Variants in PRKCA observed in about 807,000 individuals in gnomAD.
The protein encoded by PRKCA is protein kinase C alpha type.
Under a neutral mutation model 87.0 loss-of-function variants are expected in PRKCA, and 27 were observed. The ratio of observed to expected loss-of-function variants is 0.31; its 90% confidence interval spans 0.23 to 0.43. The LOEUF (loss-of-function observed/expected upper bound fraction) is 0.43. Among genes scored for constraint, PRKCA ranks in the 20% least tolerant of loss-of-function variants. The pLI is 1.00. For missense variants in PRKCA, 518 were observed against 852.3 expected, an observed-to-expected ratio of 0.61 and a Z score of 4.88; for synonymous variants, 329 against 311.1, an observed-to-expected ratio of 1.06 and a Z score of -0.61.
At chr17:66,519,418 C>T (rs1027124195) in intron 3 of PRKCA, among the ~76,000 whole-genome samples, 13 of 152,228 alleles carry the variant, frequency 8.5e-5, no homozygotes, top group Admixed American at 5.2e-4. Context: ...TTATGATGTA[C>T]GTGATTTTGT....
intron 14 of PRKCA, among the ~76,000 whole-genome samples, chr17:66,781,996 C>T (rs1598939279): frequency 6.6e-6 from 1 of 151,754 alleles, no homozygotes; most frequent in African/African-American, 2.4e-5. Context: ...TCACCGCAAC[C>T]TCTGCCTCCC....
chr17:66,675,274 A>G (rs1972296368), intron 5 of PRKCA, among the ~76,000 whole-genome samples: 1 of 152,156 alleles, frequency 6.6e-6, no homozygotes, highest in African/African-American at 2.4e-5. Context: ...TTCTCTTATA[A>G]GGGCACTGAT....
intron 3 of PRKCA, among the ~76,000 whole-genome samples, chr17:66,592,815 CAA>C (rs1969849755): frequency 6.6e-6 from 1 of 152,170 alleles, no homozygotes; most frequent in African/African-American, 2.4e-5. Context: ...TTTTTTGAGA[CAA>C]AGTCTCGCTC....
intron 3 of PRKCA, among the ~76,000 whole-genome samples, chr17:66,558,691 G>T (rs779760840): frequency 6.6e-6 from 1 of 152,170 alleles, no homozygotes. Context: ...AGAGTAAGGG[G>T]GGGAGGGAGG....
intron 3 of PRKCA, among the ~76,000 whole-genome samples, chr17:66,496,985 A>G (rs1229491453): frequency 6.6e-6 from 1 of 152,152 alleles, no homozygotes; most frequent in African/African-American, 2.4e-5. Flanking sequence ...CAATAGGAGC[A>G]TCATTGCTTT....
chr17:66,576,772 T>C (rs1969248154), intron 3 of PRKCA, among the ~76,000 whole-genome samples: 1 of 152,174 alleles, frequency 6.6e-6, no homozygotes, highest in African/African-American at 2.4e-5. Flanking sequence ...GCATTCACGA[T>C]GTTCTTTTCA....
intron 3 of PRKCA, among the ~76,000 whole-genome samples, chr17:66,604,898 T>C (rs1386045494): frequency 6.6e-6 from 1 of 151,998 alleles, no homozygotes; most frequent in Admixed American, 6.5e-5. Flanking sequence ...GGATGCCAAG[T>C]TGTTTCTTGG....
At chr17:66,657,594 G>C (rs529198729) in intron 5 of PRKCA, among the ~76,000 whole-genome samples, 1 of 152,120 alleles carries the variant, frequency 6.6e-6, no homozygotes, top group Non-Finnish European at 1.5e-5. Context: ...ATTTCTCTGG[G>C]ATATATTGCT....
intron 3 of PRKCA, among the ~76,000 whole-genome samples, chr17:66,517,712 G>A (rs1967012487): frequency 6.6e-6 from 1 of 152,172 alleles, no homozygotes; most frequent in African/African-American, 2.4e-5. Flanking sequence ...TAGCATAATG[G>A]ATAGTTACTG....
chr17:66,406,609 TA>T (rs1007639909), intron 2 of PRKCA, among the ~76,000 whole-genome samples: 37 of 145,654 alleles, frequency 2.5e-4, no homozygotes, highest in African/African-American at 9.4e-4. Context: ...TTTTTTTTTT[TA>T]AATGTCATAG....
At chr17:66,577,672 C>CTT (rs1226917599) in intron 3 of PRKCA, among the ~76,000 whole-genome samples, 1 of 152,144 alleles carries the variant, frequency 6.6e-6, no homozygotes, top group African/African-American at 2.4e-5. Context: ...TGGAAGTGAA[C>CTT]TATATCTTTT....
intron 2 of PRKCA, among the ~76,000 whole-genome samples, chr17:66,377,661 A>G (rs1321371158): frequency 7.0e-6 from 1 of 142,116 alleles, no homozygotes; most frequent in Non-Finnish European, 1.5e-5. Context: ...TCTATATTAT[A>G]TATATAAAAT....
chr17:66,742,790 C>T, intron 13 of PRKCA, 30 bp downstream of exon 13: 1 of 1,608,796 alleles, frequency 6.2e-7, no homozygotes, highest in Non-Finnish European at 8.5e-7. Flanking sequence ...TTTTCTCAAC[C>T]AGGACTCCCA....
In PRKCA at chr17:66,775,642, A is replaced by C. The variant is rs146651754; in HGVS notation, c.1605+1575A>C. 156 of 985,472 alleles carry C rather than the reference A, an allele frequency of 1.6e-4. 1 individual carries two copies. In the East Asian group the frequency reaches 0.015, roughly 92 times the overall value. 61.0% of individuals were successfully genotyped at this position (985,472 alleles called of 1,614,324 possible). On this transcript the variant is annotated intron_variant, in intron 14 of 16. Coordinates refer to ENST00000413366, the MANE Select transcript of PRKCA (RefSeq NM_002737.3). Reference sequence around the variant, plus strand: ...GAAGCCTTAGTCAGAGACAATGGAAAGAGATGGCCATGCTGTGCGACAGAG... The same window carrying C: ...GAAGCCTTAGTCAGAGACAATGGAACGAGATGGCCATGCTGTGCGACAGAG...
intron 14 of PRKCA, among the ~76,000 whole-genome samples, chr17:66,786,030 A>G (rs112071233): frequency 0.047 from 7,079 of 152,146 alleles, 208 homozygotes; most frequent in South Asian, 0.069. Context: ...GGGTTTCACC[A>G]TGTTAGCCAG....
Position 66,582,705 on chromosome 17 carries a change from G to T in PRKCA, c.289-58650G>T, listed in dbSNP as rs932849305. On this transcript the variant is annotated intron_variant, in intron 3 of 16. Coordinates refer to ENST00000413366, the MANE Select transcript of PRKCA (RefSeq NM_002737.3). ...CAGACTAACACAGGATTCTAGGCCT[G>T]TAGTTTGTGTAGTTTTCCATTCCCC... is the stretch of plus-strand genomic sequence containing the variant. Among the ~76,000 whole-genome samples the T allele has an allele frequency of 2.0e-5, 3 of 152,308 alleles. No individual in the cohort carries two copies. In the South Asian group the frequency reaches 6.2e-4, roughly 32 times the overall value.
rs139036229 is a variant in PRKCA at position 66,762,948 on chromosome 17, G to A, written c.1525-11039G>A. 1.3e-3 allele frequency among the ~76,000 whole-genome samples: 200 copies of A among 152,266 alleles called. 1 individual carries two copies. Among genetic ancestry groups the A allele is most frequent in the African/African-American group, 4.6e-3 (190 of 41,548 alleles). ...TGGAATCACAGGCATGTGCCACCAC[G>A]TCCAGCTGATTTTTGTATTTTTAGT... is the stretch of plus-strand genomic sequence containing the variant. On this transcript the variant is annotated intron_variant, in intron 13 of 16. Transcript: ENST00000413366.
chr17:66,419,056 G>C (rs1567819238), intron 2 of PRKCA, among the ~76,000 whole-genome samples: 1 of 152,016 alleles, frequency 6.6e-6, no homozygotes, highest in South Asian at 2.1e-4. Flanking sequence ...ACTGCACCTG[G>C]CCTCAGCATT....
At chr17:66,593,988 G>T (rs1598801479) in intron 3 of PRKCA, among the ~76,000 whole-genome samples, 1 of 152,332 alleles carries the variant, frequency 6.6e-6, no homozygotes, top group Middle Eastern at 3.4e-3. Flanking sequence ...GGGAGGCTGA[G>T]GTAGGAGAAT....
Sources: gnomAD v4.1 joint callset for allele counts (sites outside exome capture counted in the v4.1 genomes callset) on GRCh38, gnomAD v4.1.1 for gene constraint, MANE v1.5 for transcripts, NCBI Gene and HGNC (gene_info 2026-07-23, HGNC 2026-07-21) for gene names.